The following RNLS variants were observed in gnomAD, a reference collection of about 807,000 sequenced individuals.
RNLS encodes the protein renalase, FAD dependent amine oxidase, also known as renalase.
Under a neutral mutation model 39.8 loss-of-function variants are expected in RNLS, and 39 were observed. That is an observed-to-expected ratio of 0.98 (90% CI 0.76 to 1.28). The LOEUF is 1.28. RNLS is among the 50% of genes most tolerant of loss of function. The probability of loss-of-function intolerance (pLI) is 0.00; values close to 1 mark genes in which losing one functional copy is unlikely to be tolerated. For synonymous variants in RNLS, 147 were observed against 150.7 expected, an observed-to-expected ratio of 0.98 and a Z score of 0.18; for missense variants, 410 against 413.3, an observed-to-expected ratio of 0.99 and a Z score of 0.07.
the RNLS span, among the ~76,000 whole-genome samples, chr10:88,200,730 T>C: frequency 7.2e-5 from 11 of 152,196 alleles, no homozygotes; most frequent in African/African-American, 2.7e-4. Flanking sequence ...TTTGTTGTAG[T>C]AGATTATTCA....
chr10:88,573,281 A>G (rs1440127550), intron 3 of RNLS, among the ~76,000 whole-genome samples: 1 of 152,190 alleles, frequency 6.6e-6, no homozygotes, highest in East Asian at 1.9e-4. Flanking sequence ...TCTGAATCAA[A>G]AACTACTCCT....
the RNLS span, among the ~76,000 whole-genome samples, chr10:88,226,013 AAG>A: frequency 6.6e-6 from 1 of 152,172 alleles, no homozygotes; most frequent in East Asian, 1.9e-4. Flanking sequence ...CTTGCAATGA[AAG>A]AGACAGAAAA....
rs188330681 is a variant in RNLS at position 88,462,532 on chromosome 10, T to C, written c.527-99807A>G. Among the ~76,000 whole-genome samples, 251 of 152,058 alleles carry C rather than the reference T, an allele frequency of 1.7e-3. 1 individual carries two copies. The highest frequency in any genetic ancestry group is 2.8e-3 in the Non-Finnish European group (193 of 67,910). On this transcript the variant is annotated intron_variant, in intron 4 of 6. Transcript: ENST00000331772. ...GATTCTCTACCAGGTACTAGGAAAA[T>C]AATATACTGTCTTATAAATAAGATA...
chr10:88,208,401 A>G, the RNLS span, among the ~76,000 whole-genome samples: 2 of 152,170 alleles, frequency 1.3e-5, no homozygotes. Context: ...TAAAAAGAAC[A>G]TATGGAAGAT....
intron 4 of RNLS, among the ~76,000 whole-genome samples, chr10:88,421,193 T>C (rs1054862396): frequency 2.6e-5 from 4 of 152,160 alleles, no homozygotes; most frequent in Admixed American, 2.6e-4. Flanking sequence ...CTTTTCTTCA[T>C]TACTTGGTTT....
chr10:88,425,664 T>C (rs945588449), intron 4 of RNLS, among the ~76,000 whole-genome samples: 2 of 152,118 alleles, frequency 1.3e-5, no homozygotes, highest in Admixed American at 1.3e-4. Flanking sequence ...GTTTAAGTAT[T>C]TTTCTTAAAA....
intron 4 of RNLS, among the ~76,000 whole-genome samples, chr10:88,524,977 A>ATG (rs1165563067): frequency 3.8e-5 from 5 of 133,214 alleles, no homozygotes; most frequent in African/African-American, 1.4e-4. Flanking sequence ...ATATATATAT[A>ATG]TATATATATA....
rs1231070277 is a variant in RNLS at position 88,544,237 on chromosome 10, C to CAG, written c.526+28664_526+28665dup. Among the ~76,000 whole-genome samples the CAG allele has an allele frequency of 2.0e-5, 3 of 152,264 alleles. No homozygotes were observed. In the East Asian group the frequency reaches 5.8e-4, roughly 29 times the overall value. On this transcript the variant is annotated intron_variant, in intron 4 of 6. Transcript: ENST00000331772. ...TTGTTACTCCTTTCTCCTTTTCATT[C>CAG]AGAGAGAGAGAATTTCTCTACATAC...
the RNLS span, among the ~76,000 whole-genome samples, chr10:88,259,986 C>T: frequency 3.6e-4 from 55 of 152,216 alleles, no homozygotes; most frequent in African/African-American, 1.2e-3. Flanking sequence ...GTGATCCGCC[C>T]GCCTCGGCCT....
chr10:88,426,739 A>G (rs982719759), intron 4 of RNLS, among the ~76,000 whole-genome samples: 1 of 151,978 alleles, frequency 6.6e-6, no homozygotes, highest in African/African-American at 2.4e-5. Context: ...CCAAGGCACC[A>G]AAGACAGTAA....
chr10:88,445,960 G>A (rs545933598), intron 4 of RNLS, among the ~76,000 whole-genome samples: 28 of 152,186 alleles, frequency 1.8e-4, no homozygotes, highest in East Asian at 7.7e-4. Flanking sequence ...TGCACCAAGC[G>A]GACCTAACAG....
chr10:88,564,506 T>C (rs1464959928), intron 4 of RNLS, among the ~76,000 whole-genome samples: 1 of 152,044 alleles, frequency 6.6e-6, no homozygotes, highest in Non-Finnish European at 1.5e-5. Context: ...CTGAATCTAA[T>C]GTTTAAGGGT....
chr10:88,324,288 T>C (rs1451742683), intron 5 of RNLS, among the ~76,000 whole-genome samples: 1 of 151,984 alleles, frequency 6.6e-6, no homozygotes, highest in Non-Finnish European at 1.5e-5. Flanking sequence ...CACACGTACG[T>C]TCACTGCAGC....
At chr10:88,248,599 T>C in the RNLS span, among the ~76,000 whole-genome samples, 1 of 152,198 alleles carries the variant, frequency 6.6e-6, no homozygotes, top group African/African-American at 2.4e-5. Flanking sequence ...GCTCAATCTT[T>C]GTATTATTCA....
chr10:88,418,465 T>A (rs1249988938), intron 4 of RNLS, among the ~76,000 whole-genome samples: 2 of 152,222 alleles, frequency 1.3e-5, no homozygotes, highest in Non-Finnish European at 2.9e-5. Flanking sequence ...TCCATCACAT[T>A]GTGCTATACC....
chr10:88,570,954 T>C (rs1306991009), intron 4 of RNLS, among the ~76,000 whole-genome samples: 2 of 148,962 alleles, frequency 1.3e-5, no homozygotes, highest in Admixed American at 6.8e-5. Flanking sequence ...ATCTAATATG[T>C]TGTATATTCT....
chr10:88,346,686 G>A (rs1848328312), intron 5 of RNLS, among the ~76,000 whole-genome samples: 1 of 152,088 alleles, frequency 6.6e-6, no homozygotes, highest in Admixed American at 6.6e-5. Context: ...TTTCAGAGTT[G>A]CAAAAAGGAC....
intron 5 of RNLS, among the ~76,000 whole-genome samples, chr10:88,339,626 T>A (rs1217200294): frequency 6.6e-6 from 1 of 152,214 alleles, no homozygotes; most frequent in Non-Finnish European, 1.5e-5. Context: ...GGTACCTGGC[T>A]CACAGTGACC....
chr10:88,243,523 A>G, the RNLS span, among the ~76,000 whole-genome samples: 1 of 152,194 alleles, frequency 6.6e-6, no homozygotes, highest in African/African-American at 2.4e-5. Flanking sequence ...CCTTAGTCCT[A>G]TTCCTCCTTT....
Sources: allele counts gnomAD v4.1 joint callset (sites outside exome capture counted in the v4.1 genomes callset), GRCh38; gene constraint gnomAD v4.1.1; transcripts MANE v1.5; gene names NCBI Gene and HGNC (gene_info 2026-07-23, HGNC 2026-07-21).